Variants in DNAH7 observed in about 807,000 individuals in gnomAD.
DNAH7 encodes axonemal beta dynein heavy chain 7.
A neutral mutation model predicts 444.6 loss-of-function variants in DNAH7; 397 were observed. The ratio of observed to expected loss-of-function variants is 0.89; its 90% confidence interval spans 0.82 to 0.97. The LOEUF is 0.97. Among genes scored for constraint, DNAH7 ranks in the 50% least tolerant of loss-of-function variants. The probability of loss-of-function intolerance (pLI) is 0.00; values close to 1 mark genes in which losing one functional copy is unlikely to be tolerated. For synonymous variants in DNAH7, 1,636 were observed against 1,624.4 expected (o/e 1.01, Z -0.17); for missense variants, 4,902 against 4,800.8 (o/e 1.02, Z -0.62).
At chr2:195,809,307 A>G (rs1243406084) in intron 52 of DNAH7, among the ~76,000 whole-genome samples, 2 of 152,132 alleles carry the variant, frequency 1.3e-5, no homozygotes, top group African/African-American at 4.8e-5. Flanking sequence ...GCAAGAATAA[A>G]GTATTTATTT....
chr2:195,960,480 T>C lies in DNAH7; in HGVS notation c.2671A>G (p.Ile891Val). The C allele has an allele frequency of 6.2e-7, 1 of 1,614,200 alleles. No homozygotes were observed. Among genetic ancestry groups the C allele is most frequent in the South Asian group, 1.1e-5 (1 of 91,082 alleles). ...TATTCTTTGCTAGCTGCTTCACTAA[T>C]ACCTTCAAATCGGTCTATATATGGT... ...LEPYIDRFEG[I>V]SEAASKEYSL... Residue 891 changes from isoleucine to valine, a missense_variant, in exon 18 of 65, where the codon ATT becomes GTT. Physicochemically the swap from Ile to Val is conservative, Grantham distance 29. Coordinates refer to ENST00000312428, the MANE Select transcript of DNAH7 (RefSeq NM_018897.3).
chr2:196,003,059 G>C (rs1694142376), intron 10 of DNAH7, among the ~76,000 whole-genome samples: 1 of 149,678 alleles, frequency 6.7e-6, no homozygotes, highest in Non-Finnish European at 1.5e-5. Context: ...TAATAATAAA[G>C]GCAATGTGTC....
chr2:195,875,401 G>A (rs1311517171), intron 38 of DNAH7, among the ~76,000 whole-genome samples: 2 of 146,784 alleles, frequency 1.4e-5, no homozygotes, highest in Admixed American at 1.3e-4. Flanking sequence ...ACTTCCAGAA[G>A]GTGGGAGAAA....
At chr2:195,845,882 G>T (rs889794159) in intron 46 of DNAH7, among the ~76,000 whole-genome samples, 17 of 152,194 alleles carry the variant, frequency 1.1e-4, no homozygotes, top group Admixed American at 6.5e-5. Context: ...AGACGTAAAT[G>T]TAAAACCTAA....
At chr2:195,808,036 T>G (rs1259001380) in intron 53 of DNAH7, among the ~76,000 whole-genome samples, 1 of 152,084 alleles carries the variant, frequency 6.6e-6, no homozygotes, top group African/African-American at 2.4e-5. Context: ...AACCTCTCCC[T>G]AGGAGAGCTC....
intron 30 of DNAH7, chr2:195,893,898 T>C (rs1702156074): frequency 6.6e-6 from 1 of 151,940 alleles, no homozygotes; most frequent in Non-Finnish European, 1.5e-5. Context: ...GACTTTATTT[T>C]ATATATGTAT....
chr2:195,867,903 T>G (rs547924434), intron 40 of DNAH7, among the ~76,000 whole-genome samples: 1 of 152,188 alleles, frequency 6.6e-6, no homozygotes, highest in African/African-American at 2.4e-5. Flanking sequence ...ATGTACAAGT[T>G]TTTGCATGGA....
In DNAH7 at chr2:195,850,006, G is replaced by A. The variant is rs180925902; in HGVS notation, c.8781+3337C>T. 4.1e-3 allele frequency among the ~76,000 whole-genome samples: 625 copies of A among 152,292 alleles called. 3 individuals are homozygous for A. The highest frequency in any genetic ancestry group is 5.2e-3 in the Non-Finnish European group (355 of 68,026). On this transcript the variant is annotated intron_variant, in intron 46 of 64. Coordinates refer to ENST00000312428, the MANE Select transcript of DNAH7 (RefSeq NM_018897.3). The stretch of plus-strand genomic sequence containing the variant: ...TTGGATCTAGCTTGAAGCTGGAGTA[G>A]GCATGCTAGCCTATGACATAGGGAA...
chr2:195,913,151 T>A (rs79337634), intron 24 of DNAH7, among the ~76,000 whole-genome samples: 1 of 152,032 alleles, frequency 6.6e-6, no homozygotes, highest in Non-Finnish European at 1.5e-5. Flanking sequence ...CTAAAACTGG[T>A]TTACTCAATA....
intron 47 of DNAH7, among the ~76,000 whole-genome samples, chr2:195,842,979 G>C (rs1297067080): frequency 3.9e-5 from 6 of 152,138 alleles, no homozygotes; most frequent in African/African-American, 1.4e-4. Flanking sequence ...CTAATATGTA[G>C]GACATGACCA....
In DNAH7 at chr2:195,960,759, C is replaced by T; in HGVS notation, c.2392G>A (p.Ala798Thr). 1 of 1,614,132 alleles carries T rather than the reference C, an allele frequency of 6.2e-7. No homozygotes were observed. The highest frequency in any genetic ancestry group is 8.5e-7 in the Non-Finnish European group (1 of 1,180,012). ...CCTCTCCAGTAATTTCCAATATCTG[C>T]TTCTACTTGGTCTGGATTCACTTTA... The part of the protein sequence containing the change: ...YHKVNPDQVE[A>T]DIGNYWRGLY... The change falls in exon 18 of 65, where the codon GCA (alanine) becomes ACA (threonine). Residue 798 changes from alanine (A) to threonine (T), a missense_variant. Transcript: ENST00000312428.
intron 8 of DNAH7, among the ~76,000 whole-genome samples, chr2:196,020,848 G>A (rs1326400180): frequency 6.6e-6 from 1 of 152,150 alleles, no homozygotes; most frequent in African/African-American, 2.4e-5. Flanking sequence ...CTGACCTCAA[G>A]TGATCTGCTC....
At chr2:195,755,598 T>C (rs1418010388) in intron 62 of DNAH7, among the ~76,000 whole-genome samples, 1 of 152,250 alleles carries the variant, frequency 6.6e-6, no homozygotes, top group African/African-American at 2.4e-5. Flanking sequence ...AATTTCTTCA[T>C]AGGCAGCTTT....
chr2:195,931,101 T>G (rs945765350), intron 21 of DNAH7, among the ~76,000 whole-genome samples: 17 of 152,142 alleles, frequency 1.1e-4, no homozygotes, highest in Non-Finnish European at 1.9e-4. Context: ...ACCTGGGTGA[T>G]GGGATCAATC....
intron 24 of DNAH7, among the ~76,000 whole-genome samples, chr2:195,913,454 T>C (rs1275883282): frequency 6.6e-6 from 1 of 152,124 alleles, no homozygotes; most frequent in Non-Finnish European, 1.5e-5. Flanking sequence ...CTCAATCACT[T>C]AATAAAAGAT....
intron 19 of DNAH7, among the ~76,000 whole-genome samples, chr2:195,956,970 T>C (rs563881008): frequency 1.3e-5 from 2 of 152,236 alleles, no homozygotes; most frequent in East Asian, 3.9e-4. Flanking sequence ...AGCAAGTACC[T>C]CGTACAGTGT....
At chr2:195,945,649 T>C (rs946228846) in intron 19 of DNAH7, among the ~76,000 whole-genome samples, 2 of 152,066 alleles carry the variant, frequency 1.3e-5, no homozygotes, top group Admixed American at 1.3e-4. Flanking sequence ...AGAGGTGAAA[T>C]GCTTGTTGCC....
At chr2:196,012,523 C>T (rs1036678426) in intron 10 of DNAH7, among the ~76,000 whole-genome samples, 1 of 152,118 alleles carries the variant, frequency 6.6e-6, no homozygotes, top group African/African-American at 2.4e-5. Flanking sequence ...TGGTATTCAG[C>T]ACCCCTCTCA....
At chr2:195,988,746 TA>T (rs1333101117) in intron 12 of DNAH7, among the ~76,000 whole-genome samples, 9 of 152,108 alleles carry the variant, frequency 5.9e-5, no homozygotes, top group Non-Finnish European at 1.0e-4. Context: ...TTGTTAACTA[TA>T]GTCACCCTAA....
Sources: gnomAD v4.1 joint callset for allele counts (sites outside exome capture counted in the v4.1 genomes callset) on GRCh38, gnomAD v4.1.1 for gene constraint, MANE v1.5 for transcripts, NCBI Gene and HGNC (gene_info 2026-07-23, HGNC 2026-07-21) for gene names.